RFC3: variants seen among roughly 807,000 people sequenced by gnomAD.
The protein encoded by RFC3 is replication factor C subunit 3.
Under a neutral mutation model 45.1 loss-of-function variants are expected in RFC3, and 41 were observed. The ratio of observed to expected loss-of-function variants is 0.91; its 90% confidence interval spans 0.71 to 1.18. The LOEUF (loss-of-function observed/expected upper bound fraction) is 1.18. RFC3 is among the 50% of genes most tolerant of loss of function. RFC3 has a pLI of 0.00. For missense variants in RFC3, 423 were observed against 428.1 expected (o/e 0.99, Z 0.10); for synonymous variants, 149 against 144.0 (o/e 1.03, Z -0.25).
chr13:33,834,780 G>A (rs1427827221), intron 7 of RFC3, among the ~76,000 whole-genome samples: 4 of 152,094 alleles, frequency 2.6e-5, no homozygotes, highest in Non-Finnish European at 5.9e-5. Context: ...ATTCCATGGT[G>A]TGAATAAGCT....
intron 1 of RFC3, among the ~76,000 whole-genome samples, chr13:33,820,159 C>T (rs184988066): frequency 4.8e-4 from 73 of 152,308 alleles, no homozygotes; most frequent in Non-Finnish European, 7.2e-4. Context: ...AGCACTGGTT[C>T]CCAAACCAGA....
chr13:33,869,418 C>A, intron 8 of RFC3, among the ~76,000 whole-genome samples: 1 of 137,534 alleles, frequency 7.3e-6, no homozygotes, highest in African/African-American at 2.7e-5. Context: ...GGGTAGGGGG[C>A]ATGATTGTTG....
chr13:33,821,107 A>G (rs777905458), intron 1 of RFC3, 25 bp from the exon 2 acceptor site: 1 of 1,612,778 alleles, frequency 6.2e-7, no homozygotes, highest in South Asian at 1.1e-5. Flanking sequence ...TGACTAGGGA[A>G]AAATGCCTTG....
At chr13:33,952,332 A>G (rs1253187487) in intron 8 of RFC3, among the ~76,000 whole-genome samples, 1 of 152,230 alleles carries the variant, frequency 6.6e-6, no homozygotes, top group East Asian at 1.9e-4. Flanking sequence ...TTGATCTTGA[A>G]GACTACTGAT....
At chr13:33,873,121 C>G (rs891705907) in intron 8 of RFC3, among the ~76,000 whole-genome samples, 1 of 152,126 alleles carries the variant, frequency 6.6e-6, no homozygotes, top group Non-Finnish European at 1.5e-5. Flanking sequence ...TCCTATCAAT[C>G]CAATGTCTCA....
At chr13:33,834,298 G>GTATATTATA (rs1555308471) in intron 7 of RFC3, among the ~76,000 whole-genome samples, 5 of 109,204 alleles carry the variant, frequency 4.6e-5, no homozygotes, top group African/African-American at 2.1e-4. Context: ...TGTACTGTGT[G>GTATATTATA]TATATATATA....
chr13:33,825,887 G>A lies in RFC3; in HGVS notation c.391+1G>A. On this transcript the variant is annotated splice_donor_variant, in intron 4 of 8. Coordinates refer to ENST00000380071, the MANE Select transcript of RFC3 (RefSeq NM_002915.4). LOFTEE classifies it high-confidence loss of function. ...ACAAACTCTCAAAGGGATTTTAAAGGTAGGTGATCAAAAGACTTCTTTTTA... is the reference window on the plus strand; with the variant it reads ...ACAAACTCTCAAAGGGATTTTAAAGATAGGTGATCAAAAGACTTCTTTTTA... 6.3e-7 allele frequency: 1 copy of A among 1,593,396 alleles called. No individual in the cohort carries two copies. Among genetic ancestry groups the A allele is most frequent in the Non-Finnish European group, 8.6e-7 (1 of 1,166,786 alleles).
chr13:33,887,114 T>C (rs1347538380), intron 8 of RFC3, among the ~76,000 whole-genome samples: 2 of 145,288 alleles, frequency 1.4e-5, no homozygotes, highest in East Asian at 4.0e-4. Context: ...TGTGTCTTTA[T>C]AGCAGCATGA....
At chr13:33,849,158 G>C (rs9528238) in intron 8 of RFC3, 135,554 of 152,326 alleles carry the variant, frequency 0.89, 60,587 homozygotes, top group Non-Finnish European at 0.94. Context: ...TGTTGTTTTA[G>C]GTAGACTGTG....
At chr13:33,945,024 C>T (rs2082946462) in intron 8 of RFC3, among the ~76,000 whole-genome samples, 1 of 152,124 alleles carries the variant, frequency 6.6e-6, no homozygotes, top group Admixed American at 6.6e-5. Context: ...GTTTCTGAGA[C>T]CTATTTCCTC....
chr13:33,913,296 G>T (rs181069049), intron 8 of RFC3, among the ~76,000 whole-genome samples: 1 of 152,192 alleles, frequency 6.6e-6, no homozygotes, highest in African/African-American at 2.4e-5. Flanking sequence ...GCCTAGCCAG[G>T]CACTGGGGGA....
intron 8 of RFC3, among the ~76,000 whole-genome samples, chr13:33,866,093 A>G (rs554393247): frequency 3.0e-4 from 46 of 152,292 alleles, no homozygotes; most frequent in African/African-American, 1.0e-3. Flanking sequence ...TCGGTGTACC[A>G]TAGACTATGT....
intron 8 of RFC3, among the ~76,000 whole-genome samples, chr13:33,865,965 A>G (rs1383919005): frequency 6.6e-6 from 1 of 152,164 alleles, no homozygotes; most frequent in Non-Finnish European, 1.5e-5. Flanking sequence ...AGGCTGAGGC[A>G]GGAGAATTGC....
chr13:33,885,367 A>G (rs1030213345), intron 8 of RFC3, among the ~76,000 whole-genome samples: 1 of 152,198 alleles, frequency 6.6e-6, no homozygotes, highest in Non-Finnish European at 1.5e-5. Flanking sequence ...TTTAAGGAGT[A>G]CAAGTACGGT....
downstream of RFC3, among the ~76,000 whole-genome samples, chr13:33,967,695 C>T (rs1179099683): frequency 6.6e-6 from 1 of 151,856 alleles, no homozygotes. Flanking sequence ...ACCATGTTGG[C>T]CAGGCTGGTC....
intron 8 of RFC3, among the ~76,000 whole-genome samples, chr13:33,931,323 T>C (rs1442191537): frequency 6.6e-6 from 1 of 152,098 alleles, no homozygotes; most frequent in Non-Finnish European, 1.5e-5. Context: ...ACAACAGCAT[T>C]GCCTAGAGGG....
At chr13:33,883,348 T>C (rs890242534) in intron 8 of RFC3, among the ~76,000 whole-genome samples, 6 of 152,214 alleles carry the variant, frequency 3.9e-5, no homozygotes, top group Admixed American at 6.5e-5. Flanking sequence ...AGTTTGCTTT[T>C]CCCACTTCAC....
At chr13:33,899,617 CA>C (rs1402839299) in intron 8 of RFC3, among the ~76,000 whole-genome samples, 3 of 151,550 alleles carry the variant, frequency 2.0e-5, no homozygotes, top group Non-Finnish European at 4.4e-5. Context: ...TTAAGATCTG[CA>C]AAAAGACAAG....
intron 8 of RFC3, among the ~76,000 whole-genome samples, chr13:33,876,718 G>A (rs1344311425): frequency 6.6e-6 from 1 of 152,200 alleles, no homozygotes; most frequent in African/African-American, 2.4e-5. Flanking sequence ...ACGAGCATGG[G>A]ATTATAAAGG....
Sources: allele counts gnomAD v4.1 joint callset (sites outside exome capture counted in the v4.1 genomes callset), GRCh38; gene constraint gnomAD v4.1.1; transcripts MANE v1.5; gene names NCBI Gene and HGNC (gene_info 2026-07-23, HGNC 2026-07-21).